The following THSD7B variants were observed in gnomAD, a reference collection of about 807,000 sequenced individuals.
The protein encoded by THSD7B is thrombospondin type 1 domain containing 7B, also known as thrombospondin type-1 domain-containing protein 7B.
Under a neutral mutation model 213.6 loss-of-function variants are expected in THSD7B, and 138 were observed. The observed-to-expected ratio is 0.65, with a 90% CI of 0.56 to 0.74. The LOEUF is 0.74. Ranked by LOEUF, THSD7B falls within the 30% of genes least tolerant of loss-of-function variation. The probability of loss-of-function intolerance (pLI) is 0.00; values close to 1 mark genes in which losing one functional copy is unlikely to be tolerated. For synonymous variants in THSD7B, 742 were observed against 687.0 expected (o/e 1.08, Z -1.25); for missense variants, 1,931 against 1,991.5 (o/e 0.97, Z 0.58).
At chr2:137,405,231 C>T (rs1686488848) in intron 12 of THSD7B, among the ~76,000 whole-genome samples, 1 of 148,650 alleles carries the variant, frequency 6.7e-6, no homozygotes, top group Non-Finnish European at 1.5e-5. Context: ...CTAGGAGGAG[C>T]CTAAGTGATT....
intron 17 of THSD7B, among the ~76,000 whole-genome samples, chr2:137,602,378 C>T (rs1017975367): frequency 1.3e-4 from 20 of 151,928 alleles, no homozygotes; most frequent in African/African-American, 4.8e-4. Context: ...CAAGCGATTC[C>T]CCTGCCTCAG....
At chr2:137,079,689 T>A (rs1055333044) in intron 3 of THSD7B, among the ~76,000 whole-genome samples, 1 of 152,228 alleles carries the variant, frequency 6.6e-6, no homozygotes, top group Non-Finnish European at 1.5e-5. Flanking sequence ...TTTCTCTTAA[T>A]AAATGAATTA....
intron 12 of THSD7B, among the ~76,000 whole-genome samples, chr2:137,312,260 T>C (rs1386499191): frequency 1.4e-4 from 22 of 152,230 alleles, no homozygotes; most frequent in Non-Finnish European, 1.6e-4. Flanking sequence ...GAGGAATTTA[T>C]CCATTTCTTC....
At chr2:137,182,056 C>A (rs182438683) in intron 7 of THSD7B, among the ~76,000 whole-genome samples, 1 of 152,258 alleles carries the variant, frequency 6.6e-6, no homozygotes, top group East Asian at 1.9e-4. Flanking sequence ...AGAAAATTCA[C>A]TTATCCAGAA....
rs563403470 is a variant in THSD7B, at chr2:137,511,430, A to G, written c.3139-51791A>G. On this transcript the variant is annotated intron_variant, in intron 15 of 27. Transcript: ENST00000409968. Reference sequence around the variant, plus strand: ...CAGATGTTATGTTGCAGTTACTTTCATGTCAGTTTCAGGTCCCCCCTGCAA... The same window carrying G: ...CAGATGTTATGTTGCAGTTACTTTCGTGTCAGTTTCAGGTCCCCCCTGCAA... Among the ~76,000 whole-genome samples, 9 of 152,198 alleles carry G rather than the reference A, an allele frequency of 5.9e-5. No homozygotes were observed. In the South Asian group the frequency reaches 1.0e-3, roughly 17 times the overall value.
chr2:137,248,939 C>T (rs994220375), intron 10 of THSD7B, among the ~76,000 whole-genome samples: 1 of 152,156 alleles, frequency 6.6e-6, no homozygotes, highest in African/African-American at 2.4e-5. Context: ...TCTCCAGACC[C>T]AGCTCTGATA....
At chr2:137,138,690 C>T (rs1194597920) in intron 5 of THSD7B, among the ~76,000 whole-genome samples, 1 of 152,134 alleles carries the variant, frequency 6.6e-6, no homozygotes, top group Admixed American at 6.6e-5. Context: ...TCCTGAGCAA[C>T]CCACCACATG....
intron 2 of THSD7B, among the ~76,000 whole-genome samples, chr2:136,951,827 A>C (rs62172674): frequency 0.1 from 15,423 of 151,962 alleles, 1,016 homozygotes; most frequent in East Asian, 0.15. Flanking sequence ...TCTACAATGC[A>C]GATAAGGCAT....
At chr2:137,080,680 C>CT (rs1687730449) in intron 3 of THSD7B, among the ~76,000 whole-genome samples, 1 of 152,022 alleles carries the variant, frequency 6.6e-6, no homozygotes, top group Admixed American at 6.6e-5. Context: ...TTTTATTCCA[C>CT]TTTTTTACAT....
At chr2:137,124,406 C>T (rs997571617) in intron 5 of THSD7B, among the ~76,000 whole-genome samples, 1 of 152,152 alleles carries the variant, frequency 6.6e-6, no homozygotes, top group Non-Finnish European at 1.5e-5. Context: ...TTTTCACAAA[C>T]CTTGTTCTAG....
intron 12 of THSD7B, among the ~76,000 whole-genome samples, chr2:137,363,011 A>G (rs1685306075): frequency 6.6e-6 from 1 of 152,228 alleles, no homozygotes; most frequent in Non-Finnish European, 1.5e-5. Flanking sequence ...GCAAATGTGA[A>G]AGAACAGAAA....
Position 137,659,560 on chromosome 2 carries a change from AT to A in THSD7B, c.4376-103del, listed in dbSNP as rs1683302908. ...GCAAATAGATTTTTCAAAAATAATA[AT>A]ACTGTTGCAAAGAGGCCGGTGGCAC... On this transcript the variant is annotated intron_variant, in intron 24 of 27. Transcript: ENST00000409968. 17 of 1,005,004 alleles carry A rather than the reference AT, an allele frequency of 1.7e-5. No individual in the cohort carries two copies. In the South Asian group the frequency reaches 2.4e-4, roughly 14 times the overall value. The allele number at this position is 1,005,004 out of a possible 1,614,324, so 62.3% of individuals were successfully genotyped here.
chr2:137,427,571 G>C (rs1048740162), intron 14 of THSD7B, among the ~76,000 whole-genome samples: 29 of 152,062 alleles, frequency 1.9e-4, no homozygotes, highest in African/African-American at 6.8e-4. Context: ...GTTAGGCTAA[G>C]TGAATTAAGC....
At chr2:136,775,674 A>G (rs1681588317) in intron 1 of THSD7B, among the ~76,000 whole-genome samples, 1 of 152,188 alleles carries the variant, frequency 6.6e-6, no homozygotes, top group African/African-American at 2.4e-5. Context: ...CTCTTGAAGA[A>G]TATAGTGTTA....
At chr2:137,675,403 CATATATATATATATATATATATATAT>C (rs55940004) in intron 27 of THSD7B, among the ~76,000 whole-genome samples, 3,620 of 116,536 alleles carry the variant, frequency 0.031, 91 homozygotes, top group Middle Eastern at 0.095. Flanking sequence ...AAATGAATGC[CATATATATATATATATATATATATAT>C]ATATATATAT....
chr2:137,378,404 G>T (rs567267434), intron 12 of THSD7B, among the ~76,000 whole-genome samples: 13 of 152,238 alleles, frequency 8.5e-5, no homozygotes, highest in Non-Finnish European at 1.8e-4. Context: ...ATATTTATTT[G>T]GTCCAGTTTA....
At chr2:137,440,244 A>G (rs1687374720) in intron 14 of THSD7B, among the ~76,000 whole-genome samples, 1 of 152,088 alleles carries the variant, frequency 6.6e-6, no homozygotes, top group African/African-American at 2.4e-5. Flanking sequence ...TTTAAATTTT[A>G]AAGACTGCCT....
intron 3 of THSD7B, among the ~76,000 whole-genome samples, chr2:137,083,427 CT>C (rs1687782719): frequency 2.0e-5 from 3 of 151,948 alleles, no homozygotes; most frequent in Non-Finnish European, 4.4e-5. Flanking sequence ...ATTCAAATAC[CT>C]TTGTTAAATT....
chr2:136,999,643 G>C (rs955659228), intron 2 of THSD7B, among the ~76,000 whole-genome samples: 2 of 152,000 alleles, frequency 1.3e-5, no homozygotes, highest in Non-Finnish European at 2.9e-5. Flanking sequence ...TTTGGCATCT[G>C]TCTCACCAAC....
Sources: gnomAD v4.1 joint callset for allele counts (sites outside exome capture counted in the v4.1 genomes callset) on GRCh38, gnomAD v4.1.1 for gene constraint, MANE v1.5 for transcripts, NCBI Gene and HGNC (gene_info 2026-07-23, HGNC 2026-07-21) for gene names.